LDB2: variants seen among roughly 807,000 people sequenced by gnomAD.
LDB2 encodes the protein LIM domain binding 2, also known as LIM domain-binding protein 2.
A neutral mutation model predicts 44.3 loss-of-function variants in LDB2; 12 were observed. The ratio of observed to expected loss-of-function variants is 0.27; its 90% CI spans 0.17 to 0.44. The LOEUF is 0.44. Ranked by LOEUF, LDB2 falls within the 20% of genes least tolerant of loss-of-function variation. The probability of loss-of-function intolerance (pLI) is 1.00; values close to 1 mark genes in which losing one functional copy is unlikely to be tolerated. For missense variants in LDB2, 344 were observed against 473.5 expected (o/e 0.73, Z 2.54); for synonymous variants, 164 against 174.8 (o/e 0.94, Z 0.49).
rs115839384 is a variant in LDB2, at chr4:16,531,544, C to A, written c.616-19440G>T. On this transcript the variant is annotated intron_variant, in intron 5 of 7. Coordinates refer to ENST00000304523, the MANE Select transcript of LDB2 (RefSeq NM_001290.5). ...TTCTCTATTTGTGCAGCCATAGGAC[C>A]TTATCACTATTGCTGTTCTTCCTTT... Among the ~76,000 whole-genome samples, 1,016 of 152,306 alleles carry A rather than the reference C, an allele frequency of 6.7e-3. 17 individuals are homozygous for A. Among genetic ancestry groups the A allele is most frequent in the African/African-American group, 0.024 (977 of 41,562 alleles).
chr4:16,696,084 C>A (rs985668342), intron 2 of LDB2, among the ~76,000 whole-genome samples: 4 of 152,134 alleles, frequency 2.6e-5, no homozygotes, highest in Non-Finnish European at 2.9e-5. Flanking sequence ...GAAAGTGCTG[C>A]AAAGGCCTTG....
intron 5 of LDB2, chr4:16,581,522 C>G: frequency 1.4e-6 from 1 of 719,166 alleles, no homozygotes. Flanking sequence ...AAACTTGAAA[C>G]TTATATTTTA....
At chr4:16,736,176 A>G (rs563154246) in intron 2 of LDB2, among the ~76,000 whole-genome samples, 6 of 152,280 alleles carry the variant, frequency 3.9e-5, no homozygotes, top group South Asian at 2.1e-4. Flanking sequence ...CACATTCTCT[A>G]TCTGCCTCCT....
chr4:16,757,799 C>T (rs1200148180), intron 2 of LDB2, among the ~76,000 whole-genome samples: 5 of 152,160 alleles, frequency 3.3e-5, no homozygotes, highest in Non-Finnish European at 7.3e-5. Context: ...GGCACCCACA[C>T]ACCGGAGAGC....
chr4:16,789,890 C>T (rs756321428), intron 1 of LDB2, among the ~76,000 whole-genome samples: 31 of 152,168 alleles, frequency 2.0e-4, no homozygotes, highest in Non-Finnish European at 2.9e-4. Context: ...AGAGATAGCG[C>T]CACTGCACTC....
At chr4:16,658,220 C>A (rs1206400386) in intron 2 of LDB2, among the ~76,000 whole-genome samples, 19 of 152,150 alleles carry the variant, frequency 1.2e-4, no homozygotes, top group Admixed American at 1.2e-3. Context: ...ATTAAGTTTT[C>A]TATTCTCAGT....
In LDB2 at chr4:16,576,791, A is replaced by T. The variant is rs554915977; in HGVS notation, c.615+9131T>A. Among the ~76,000 whole-genome samples, 288 of 152,278 alleles carry T rather than the reference A, an allele frequency of 1.9e-3. 1 individual carries two copies. Among genetic ancestry groups the T allele is most frequent in the African/African-American group, 6.5e-3 (269 of 41,560 alleles). ...AGACACATCATAAAAAGAGAAAACT[A>T]CAGGCCAATATCACTGATAAATATT... On this transcript the variant is annotated intron_variant, in intron 5 of 7. Transcript: ENST00000304523.
intron 1 of LDB2, among the ~76,000 whole-genome samples, chr4:16,852,028 T>A (rs1282977283): frequency 1.3e-5 from 2 of 152,192 alleles, no homozygotes; most frequent in African/African-American, 2.4e-5. Context: ...ATTTCTGAAA[T>A]CACAGGCAGT....
intron 1 of LDB2, among the ~76,000 whole-genome samples, chr4:16,765,673 G>A (rs1769047673): frequency 6.6e-6 from 1 of 152,166 alleles, no homozygotes; most frequent in Non-Finnish European, 1.5e-5. Context: ...TACCCACACG[G>A]CGAGTAAGAT....
At position 16,502,045 on chromosome 4, in the gene LDB2, A is replaced by C. The variant is rs548331071; in HGVS notation, c.*598T>G. 1.0e-4 allele frequency: 16 copies of C among 152,732 alleles called. No homozygotes were observed. The highest frequency in any genetic ancestry group is 3.9e-4 in the African/African-American group (16 of 41,446). The allele number at this position is 152,732 out of a possible 1,614,324, so 9.5% of individuals were successfully genotyped here. A position where few individuals can be genotyped will look rare whatever the true frequency, so the allele number is the denominator to read the frequency against. On this transcript the variant is annotated 3_prime_UTR_variant, in exon 8 of 8. Transcript: ENST00000304523. ...GTCGACTCAAGACAAGAACCAATTGACATCAGCTCAACCATAAATTACCTT... is the reference window on the plus strand; with the variant it reads ...GTCGACTCAAGACAAGAACCAATTGCCATCAGCTCAACCATAAATTACCTT...
Position 16,734,709 on chromosome 4 carries a change from T to C in LDB2, c.235+24449A>G, listed in dbSNP as rs759380461. On this transcript the variant is annotated intron_variant, in intron 2 of 7. Transcript: ENST00000304523. The stretch of plus-strand genomic sequence containing the variant: ...CTTCCCAACTTCTTGTTTTCTTTTT[T>C]TTTTTTTTTTTTTTTTGAGATGGAG... Among the ~76,000 whole-genome samples, 318 of 38,158 alleles carry C rather than the reference T, an allele frequency of 8.3e-3. 2 individuals are homozygous for C. The highest frequency in any genetic ancestry group is 0.017 in the Middle Eastern group (2 of 116). 25.0% of individuals were successfully genotyped at this position (38,158 alleles called of 152,430 possible).
At chr4:16,892,147 T>C (rs752179964) in intron 1 of LDB2, among the ~76,000 whole-genome samples, 2 of 152,200 alleles carry the variant, frequency 1.3e-5, no homozygotes, top group Non-Finnish European at 2.9e-5. Context: ...AAGGTGTATA[T>C]ACCTTTCACT....
At chr4:16,861,813 C>G (rs926080416) in intron 1 of LDB2, among the ~76,000 whole-genome samples, 41 of 152,210 alleles carry the variant, frequency 2.7e-4, no homozygotes, top group African/African-American at 7.0e-4. Context: ...ATGCTGTTCC[C>G]CCTGCCTGCA....
At chr4:16,609,356 G>GT (rs1294708707) in intron 2 of LDB2, among the ~76,000 whole-genome samples, 1 of 148,774 alleles carries the variant, frequency 6.7e-6, no homozygotes, top group Non-Finnish European at 1.5e-5. Flanking sequence ...GGGGGCGGGG[G>GT]GGGGAGGGGA....
intron 1 of LDB2, among the ~76,000 whole-genome samples, chr4:16,810,074 C>T (rs1390254615): frequency 6.6e-6 from 1 of 152,178 alleles, no homozygotes; most frequent in Non-Finnish European, 1.5e-5. Flanking sequence ...TTGCTGTTCT[C>T]AGCCTAATGT....
intron 3 of LDB2, among the ~76,000 whole-genome samples, chr4:16,590,340 AAATG>A (rs1331145497): frequency 6.6e-6 from 1 of 152,250 alleles, no homozygotes; most frequent in Non-Finnish European, 1.5e-5. Flanking sequence ...AAAAACAAAT[AAATG>A]AATAAGTAAA....
rs569878040 is a variant in LDB2 at position 16,680,316 on chromosome 4, AC to A, written c.235+78841del. The stretch of plus-strand genomic sequence containing the variant: ...TTGGCATGGCAGTGCAAACGAAGAC[AC>A]CTTTCTCCTGACTCAGTGAAATGGA... On this transcript the variant is annotated intron_variant, in intron 2 of 7. Transcript: ENST00000304523. Among the ~76,000 whole-genome samples the A allele has an allele frequency of 2.0e-3, 298 of 152,258 alleles. 2 individuals carry two copies. The highest frequency in any genetic ancestry group is 6.8e-3 in the Middle Eastern group (2 of 294).
chr4:16,686,825 TTTTC>T (rs1003730276), intron 2 of LDB2, among the ~76,000 whole-genome samples: 6 of 152,164 alleles, frequency 3.9e-5, no homozygotes, highest in African/African-American at 9.7e-5. Flanking sequence ...CATTCTGATT[TTTTC>T]TTTGTTTTTA....
At chr4:16,863,059 C>A (rs543310253) in intron 1 of LDB2, among the ~76,000 whole-genome samples, 1 of 152,142 alleles carries the variant, frequency 6.6e-6, no homozygotes, top group African/African-American at 2.4e-5. Context: ...CAGCCAAGGT[C>A]AGAGGAAAAA....
Sources: allele counts gnomAD v4.1 joint callset (sites outside exome capture counted in the v4.1 genomes callset), GRCh38; gene constraint gnomAD v4.1.1; transcripts MANE v1.5; gene names NCBI Gene and HGNC (gene_info 2026-07-23, HGNC 2026-07-21).